SMAD3: variants seen among roughly 807,000 people sequenced by gnomAD.
SMAD3 encodes the protein MAD homolog 3.
Under a neutral mutation model 51.8 loss-of-function variants are expected in SMAD3, and 12 were observed. That is an observed-to-expected ratio of 0.23 (90% confidence interval 0.15 to 0.38). The LOEUF is 0.38. Ranked by LOEUF, SMAD3 falls within the 10% of genes least tolerant of loss-of-function variation. The pLI is 1.00. For missense variants in SMAD3, 294 were observed against 565.6 expected (o/e 0.52, Z 4.87); for synonymous variants, 238 against 227.7 (o/e 1.05, Z -0.41).
intron 5 of SMAD3, among the ~76,000 whole-genome samples, chr15:67,180,952 C>T (rs907397395): frequency 5.3e-5 from 8 of 150,032 alleles, no homozygotes; most frequent in Non-Finnish European, 1.2e-4. Flanking sequence ...GCCAAGCAGG[C>T]GGGGCAGGGC....
At chr15:67,154,057 T>C (rs1000313964) in intron 1 of SMAD3, among the ~76,000 whole-genome samples, 6 of 152,308 alleles carry the variant, frequency 3.9e-5, no homozygotes, top group Admixed American at 2.6e-4. Context: ...CCAGGAGCCT[T>C]CTGCAACCTC....
At chr15:67,183,022 TATATATA>T (rs1173942250) in intron 6 of SMAD3, among the ~76,000 whole-genome samples, 7 of 76,970 alleles carry the variant, frequency 9.1e-5, no homozygotes, top group South Asian at 4.4e-4. Context: ...TATATATATA[TATATATA>T]TATTTTTTTT....
chr15:67,143,764 A>G (rs981408649), intron 1 of SMAD3, among the ~76,000 whole-genome samples: 2 of 151,574 alleles, frequency 1.3e-5, no homozygotes, highest in Admixed American at 1.3e-4. Context: ...GTTTTTTGAG[A>G]TGGAGTCTCG....
intron 1 of SMAD3, among the ~76,000 whole-genome samples, chr15:67,135,829 A>G (rs972895353): frequency 1.4e-4 from 21 of 152,228 alleles, no homozygotes; most frequent in Non-Finnish European, 2.6e-4. Flanking sequence ...GGCAAGTGGT[A>G]TTCTACCAGA....
chr15:67,144,823 C>T (rs1382804213), intron 1 of SMAD3, among the ~76,000 whole-genome samples: 1 of 152,324 alleles, frequency 6.6e-6, no homozygotes, highest in East Asian at 1.9e-4. Context: ...ATGCCTTCCA[C>T]GCCCTTGGTT....
Position 67,190,736 on chromosome 15 carries a change from A to G in SMAD3, c.*200A>G. The stretch of plus-strand genomic sequence containing the variant: ...TGTTATGAACAGCTGTGTCTGCCAA[A>G]CACATTTACCCTTTGGCCCCACTTT... On this transcript the variant is annotated 3_prime_UTR_variant, in exon 9 of 9. Transcript: ENST00000327367. The G allele has an allele frequency of 1.6e-6, 1 of 625,988 alleles. No individual in the cohort carries two copies. The highest frequency in any genetic ancestry group is 2.8e-5 in the East Asian group (1 of 36,288). The allele number at this position is 625,988 out of a possible 1,614,324, so 38.8% of individuals were successfully genotyped here.
chr15:67,160,378 C>T (rs1236593347), intron 1 of SMAD3, among the ~76,000 whole-genome samples: 1 of 152,166 alleles, frequency 6.6e-6, no homozygotes, highest in Admixed American at 6.5e-5. Context: ...TTAATTTGTG[C>T]TTCTCTAATG....
At chr15:67,086,091 T>TG (rs1279738158) in intron 1 of SMAD3, among the ~76,000 whole-genome samples, 19 of 127,232 alleles carry the variant, frequency 1.5e-4, no homozygotes, top group African/African-American at 5.0e-4. Flanking sequence ...CAGTACAAAG[T>TG]GGGGGGTGGT....
intron 5 of SMAD3, among the ~76,000 whole-genome samples, chr15:67,171,648 C>T (rs935067293): frequency 1.2e-4 from 19 of 152,248 alleles, no homozygotes; most frequent in Admixed American, 1.2e-3. Context: ...TGACTGACAG[C>T]GTCAGATGAA....
chr15:67,147,043 A>C (rs932529477), intron 1 of SMAD3: 4 of 152,158 alleles, frequency 2.6e-5, no homozygotes, highest in Non-Finnish European at 4.4e-5. Context: ...CCTTCCACGG[A>C]GCCTGTTTGA....
At chr15:67,070,378 C>T (rs936283474) in intron 1 of SMAD3, among the ~76,000 whole-genome samples, 4 of 152,106 alleles carry the variant, frequency 2.6e-5, no homozygotes, top group Non-Finnish European at 5.9e-5. Flanking sequence ...CTTGACGTTC[C>T]CTGGGAACAT....
At chr15:67,137,695 T>G (rs1279389233) in intron 1 of SMAD3, among the ~76,000 whole-genome samples, 1 of 152,208 alleles carries the variant, frequency 6.6e-6, no homozygotes. Context: ...CAACAAATGT[T>G]TTTGGTGGGT....
intron 1 of SMAD3, among the ~76,000 whole-genome samples, chr15:67,089,724 T>C (rs1351283781): frequency 6.6e-6 from 1 of 152,242 alleles, no homozygotes; most frequent in African/African-American, 2.4e-5. Flanking sequence ...TACTGCACTT[T>C]ACAGTTTACA....
chr15:67,180,423 GC>G (rs1269234207), intron 5 of SMAD3, among the ~76,000 whole-genome samples: 5 of 151,856 alleles, frequency 3.3e-5, no homozygotes, highest in African/African-American at 1.2e-4. Context: ...AAGAGAACCA[GC>G]CCCTTGTAGA....
At chr15:67,187,327 C>A (rs1443973349) in intron 7 of SMAD3, 38 bp from the exon 8 acceptor site, 1 of 1,614,070 alleles carries the variant, frequency 6.2e-7, no homozygotes, top group East Asian at 2.2e-5. Context: ...GACCTGGCCA[C>A]TTCCATCCCC....
At chr15:67,160,301 C>T (rs942224378) in intron 1 of SMAD3, among the ~76,000 whole-genome samples, 3 of 152,222 alleles carry the variant, frequency 2.0e-5, no homozygotes, top group Non-Finnish European at 4.4e-5. Flanking sequence ...CTTGCCAATA[C>T]ATGGCATGAT....
intron 1 of SMAD3, among the ~76,000 whole-genome samples, chr15:67,093,393 T>C (rs1251665994): frequency 6.6e-6 from 1 of 152,162 alleles, no homozygotes; most frequent in Non-Finnish European, 1.5e-5. Flanking sequence ...AGCCTCTCAT[T>C]CCACTGCCAG....
chr15:67,106,666 A>G (rs1595902451), intron 1 of SMAD3, among the ~76,000 whole-genome samples: 1 of 152,144 alleles, frequency 6.6e-6, no homozygotes, highest in East Asian at 1.9e-4. Context: ...ACAGGCGTAC[A>G]TCATATGTGG....
At chr15:67,160,048 T>C (rs1263182122) in intron 1 of SMAD3, among the ~76,000 whole-genome samples, 1 of 152,162 alleles carries the variant, frequency 6.6e-6, no homozygotes, top group African/African-American at 2.4e-5. Flanking sequence ...AGGCTTATGG[T>C]TTTTTAGCTT....
Sources: gnomAD v4.1 joint callset for allele counts (sites outside exome capture counted in the v4.1 genomes callset) on GRCh38, gnomAD v4.1.1 for gene constraint, MANE v1.5 for transcripts, NCBI Gene and HGNC (gene_info 2026-07-23, HGNC 2026-07-21) for gene names.